Variants in SMPD3 observed in about 807,000 individuals in gnomAD.
SMPD3 encodes the protein nSMase-2.
In SMPD3, 21 loss-of-function variants were observed where a neutral mutation model predicts 55.7. The ratio of observed to expected loss-of-function variants is 0.38; its 90% confidence interval spans 0.27 to 0.54. The LOEUF (loss-of-function observed/expected upper bound fraction) is 0.54. Among genes scored for constraint, SMPD3 ranks in the 20% least tolerant of loss-of-function variants. SMPD3 has a pLI of 0.80. For missense variants in SMPD3, 842 were observed against 899.6 expected (o/e 0.94, Z 0.82); for synonymous variants, 457 against 404.3 (o/e 1.13, Z -1.56).
chr16:68,431,072 C>T (rs74024654), intron 1 of SMPD3, among the ~76,000 whole-genome samples: 1 of 152,242 alleles, frequency 6.6e-6, no homozygotes, highest in African/African-American at 2.4e-5. Flanking sequence ...TAGCTAAAGG[C>T]AGGGCACCAT....
chr16:68,399,272 C>T (rs1473529536), intron 1 of SMPD3, among the ~76,000 whole-genome samples: 6 of 152,184 alleles, frequency 3.9e-5, no homozygotes, highest in Non-Finnish European at 4.4e-5. Flanking sequence ...GGACTTCTGG[C>T]TTCTCCTATT....
At chr16:68,418,255 C>T (rs1434882287) in intron 1 of SMPD3, among the ~76,000 whole-genome samples, 2 of 151,276 alleles carry the variant, frequency 1.3e-5, no homozygotes, top group Non-Finnish European at 3.0e-5. Flanking sequence ...AGATGCCCAC[C>T]GAGTTCATCC....
At chr16:68,387,460 C>A (rs764752891) in intron 1 of SMPD3, among the ~76,000 whole-genome samples, 40 of 152,170 alleles carry the variant, frequency 2.6e-4, no homozygotes, top group Admixed American at 1.6e-3. Context: ...AGTTTGTAGT[C>A]CCCGCCCTTG....
At chr16:68,417,103 C>T (rs1454024309) in intron 1 of SMPD3, among the ~76,000 whole-genome samples, 1 of 152,124 alleles carries the variant, frequency 6.6e-6, no homozygotes, top group African/African-American at 2.4e-5. Context: ...GGCAAACTGC[C>T]TCACTCAAAA....
At chr16:68,446,685 C>A (rs2090612631) in intron 1 of SMPD3, among the ~76,000 whole-genome samples, 1 of 152,196 alleles carries the variant, frequency 6.6e-6, no homozygotes, top group Non-Finnish European at 1.5e-5. Flanking sequence ...CAAATTTGAC[C>A]TAACATGGCT....
At chr16:68,439,167 C>G (rs2090547857) in intron 1 of SMPD3, among the ~76,000 whole-genome samples, 1 of 152,168 alleles carries the variant, frequency 6.6e-6, no homozygotes, top group African/African-American at 2.4e-5. Flanking sequence ...AAGGTTAAAG[C>G]ACTTGCCCAA....
At chr16:68,421,893 A>ATATCTTTGCAC (rs2090397997) in intron 1 of SMPD3, among the ~76,000 whole-genome samples, 1 of 152,216 alleles carries the variant, frequency 6.6e-6, no homozygotes, top group African/African-American at 2.4e-5. Flanking sequence ...TCTATGTGGC[A>ATATCTTTGCAC]AAAGGAACTT....
chr16:68,372,697 G>A (rs1342071849), intron 2 of SMPD3, among the ~76,000 whole-genome samples: 2 of 152,218 alleles, frequency 1.3e-5, no homozygotes, highest in Admixed American at 6.5e-5. Context: ...CAGATTTGTG[G>A]GTGCAAAGGG....
intron 1 of SMPD3, among the ~76,000 whole-genome samples, chr16:68,434,792 T>C (rs2090508333): frequency 6.6e-6 from 1 of 152,218 alleles, no homozygotes; most frequent in African/African-American, 2.4e-5. Flanking sequence ...TTAATTTGAC[T>C]CTGTGTTCGG....
chr16:68,371,226 G>A lies in SMPD3; in HGVS notation c.956C>T (p.Ala319Val), dbSNP rs955409107. Residue 319 changes from alanine to valine, a missense_variant, in exon 3 of 9, where the codon GCC (alanine) becomes GTC (valine). Physicochemically the swap from Ala to Val is moderately conservative, Grantham distance 64 (BLOSUM62 0). This residue lies in a region of SMPD3 where 649 missense variants were observed against 643.6 expected (regional missense o/e 1.01). Transcript: ENST00000219334. The part of the protein sequence containing the change: ...PDTSASGEPG[A>V]NSKLLYKASV... ...GGCCTTGTACAGGAGCTTGCTGTTG[G>A]CACCTGGCTCCCCGCTGGCACTGGT... The A allele has an allele frequency of 1.9e-6, 3 of 1,607,304 alleles. No homozygotes were observed. The highest frequency in any genetic ancestry group is 1.3e-5 in the African/African-American group (1 of 74,762).
intron 2 of SMPD3, among the ~76,000 whole-genome samples, chr16:68,382,725 G>A (rs928045505): frequency 1.3e-5 from 2 of 152,210 alleles, no homozygotes; most frequent in Non-Finnish European, 2.9e-5. Flanking sequence ...CCAGATCACT[G>A]ACTGCAGACA....
At chr16:68,409,883 C>T (rs1013539974) in intron 1 of SMPD3, among the ~76,000 whole-genome samples, 1 of 152,224 alleles carries the variant, frequency 6.6e-6, no homozygotes, top group African/African-American at 2.4e-5. Context: ...TGAGCCACCG[C>T]GCCCAGCCAA....
intron 1 of SMPD3, among the ~76,000 whole-genome samples, chr16:68,426,698 C>T (rs1017374407): frequency 2.0e-5 from 3 of 152,178 alleles, no homozygotes; most frequent in African/African-American, 7.2e-5. Flanking sequence ...TTCGTCATTG[C>T]TGTTTCTGTC....
chr16:68,401,067 C>T (rs1455194604), intron 1 of SMPD3, among the ~76,000 whole-genome samples: 1 of 152,222 alleles, frequency 6.6e-6, no homozygotes, highest in Non-Finnish European at 1.5e-5. Flanking sequence ...GGCCTCAGAG[C>T]TCAGATAGTG....
rs1597606390 is a variant in SMPD3 at position 68,371,610 on chromosome 16, T to C, written c.572A>G (p.Gln191Arg). 6 of 1,567,510 alleles carry C rather than the reference T, an allele frequency of 3.8e-6. No individual in the cohort carries two copies. Among genetic ancestry groups the C allele is most frequent in the Non-Finnish European group, 5.2e-6 (6 of 1,157,698 alleles). Residue 191 changes from glutamine (Q) to arginine (R), a missense_variant, in exon 3 of 9, where the codon CAG becomes CGG. Physicochemically the swap from Gln to Arg is conservative, Grantham distance 43. Around this residue, in one of 2 missense-constraint regions of SMPD3, gnomAD observed 649 missense variants for 643.6 expected, o/e 1.01. Coordinates refer to ENST00000219334, the MANE Select transcript of SMPD3 (RefSeq NM_018667.4). ...AASFSSLVSP[Q>R]GGDGVARAVP... Reference sequence around the variant, plus strand: ...GGCCCGGGCCACCCCATCGCCGCCCTGTGGTGACACCAGGCTGCTGAAGCT... The same window carrying C: ...GGCCCGGGCCACCCCATCGCCGCCCCGTGGTGACACCAGGCTGCTGAAGCT...
chr16:68,409,025 C>A (rs1332662861), intron 1 of SMPD3, among the ~76,000 whole-genome samples: 1 of 152,170 alleles, frequency 6.6e-6, no homozygotes, highest in Non-Finnish European at 1.5e-5. Context: ...TCACAAGGGC[C>A]CTGCACTGCA....
At chr16:68,379,523 CAA>C (rs1567791703) in intron 2 of SMPD3, among the ~76,000 whole-genome samples, 2 of 152,214 alleles carry the variant, frequency 1.3e-5, no homozygotes, top group Non-Finnish European at 2.9e-5. Context: ...CCGGAGCCTT[CAA>C]AGTCTCCTCC....
chr16:68,429,501 G>A (rs1454661059), intron 1 of SMPD3, among the ~76,000 whole-genome samples: 1 of 152,230 alleles, frequency 6.6e-6, no homozygotes, highest in Non-Finnish European at 1.5e-5. Flanking sequence ...GATTCCAGGA[G>A]TATAATTGTT....
intron 1 of SMPD3, among the ~76,000 whole-genome samples, chr16:68,416,953 C>T (rs2090344808): frequency 6.6e-6 from 1 of 152,150 alleles, no homozygotes; most frequent in Admixed American, 6.5e-5. Context: ...CACTCAGTCA[C>T]AAAAGCTGTA....
Sources: allele counts gnomAD v4.1 joint callset (sites outside exome capture counted in the v4.1 genomes callset), GRCh38; gene constraint gnomAD v4.1.1; regional missense constraint gnomAD v4.1.1; transcripts MANE v1.5; gene names NCBI Gene and HGNC (gene_info 2026-07-23, HGNC 2026-07-21).